The following SEL1L3 variants were observed in gnomAD, a reference collection of about 807,000 sequenced individuals.
The protein encoded by SEL1L3 is SEL1L family member 3.
In SEL1L3, 76 loss-of-function variants were observed where a neutral mutation model predicts 142.8. The ratio of observed to expected loss-of-function variants is 0.53; its 90% confidence interval spans 0.44 to 0.64. The LOEUF (loss-of-function observed/expected upper bound fraction) is 0.64, where lower values mean the gene tolerates loss of function less well. SEL1L3 is among the 30% of genes least tolerant of loss of function. The pLI is 0.00. For missense variants in SEL1L3, 1,262 were observed against 1,381.7 expected (o/e 0.91, Z 1.37); for synonymous variants, 504 against 519.6 (o/e 0.97, Z 0.41).
At chr4:25,805,103 C>A (rs1214452028) in intron 9 of SEL1L3, among the ~76,000 whole-genome samples, 1 of 152,164 alleles carries the variant, frequency 6.6e-6, no homozygotes, top group African/African-American at 2.4e-5. Context: ...CTCTAAGACT[C>A]CCTAAAGAAG....
chr4:25,776,349 T>C lies in SEL1L3; in HGVS notation c.2597A>G (p.His866Arg), dbSNP rs374434018. ...DPEKAVVWAK[H>R]VAEKNGYLGH... ...CAAGTAGCCATTTTTCTCAGCTACA[T>C]GTTTTGCCCATCTGAAAAAAAAAAG... The change falls in exon 17 of 24, where the codon CAT becomes CGT. Residue 866 changes from histidine (H) to arginine (R), a missense_variant. Coordinates refer to ENST00000399878, the MANE Select transcript of SEL1L3 (RefSeq NM_015187.5). The C allele has an allele frequency of 2.5e-6, 4 of 1,611,972 alleles. No homozygotes were observed. Among genetic ancestry groups the C allele is most frequent in the Non-Finnish European group, 3.4e-6 (4 of 1,178,604 alleles).
chr4:25,814,113 A>C (rs866499604), intron 9 of SEL1L3, among the ~76,000 whole-genome samples: 14 of 152,230 alleles, frequency 9.2e-5, no homozygotes, highest in African/African-American at 3.4e-4. Flanking sequence ...GATGACTCTC[A>C]GACAGAACCA....
chr4:25,756,167 T>G, intron 23 of SEL1L3: 1 of 985,464 alleles, frequency 1.0e-6, no homozygotes, highest in Non-Finnish European at 1.2e-6. Flanking sequence ...CAATGCCATG[T>G]CCAGTCCTAA....
chr4:25,815,665 C>T (rs982256441), intron 9 of SEL1L3, among the ~76,000 whole-genome samples: 5 of 152,036 alleles, frequency 3.3e-5, no homozygotes, highest in African/African-American at 9.7e-5. Flanking sequence ...CATGCGTCTC[C>T]CTCTCCTGTT....
At chr4:25,847,217 T>G in intron 2 of SEL1L3, 77 bp downstream of exon 2, 1 of 1,248,670 alleles carries the variant, frequency 8.0e-7, no homozygotes, top group Non-Finnish European at 1.1e-6. Flanking sequence ...ATAGAAGAAT[T>G]TTCTCTTGCC....
chr4:25,818,181 G>T lies in SEL1L3; in HGVS notation c.1521C>A (p.His507Gln). Residue 507 changes from histidine to glutamine, a missense_variant, in exon 9 of 24, where the codon CAC becomes CAA. His to Gln is a conservative substitution (Grantham distance 24). This residue lies in a region of SEL1L3 where 689 missense variants were observed against 692.8 expected (regional missense o/e 0.99). Transcript: ENST00000399878. The stretch of plus-strand genomic sequence containing the variant: ...CCAGCAATGCCTGGAACAAGCTGGG[G>T]TGTTTGTCTTTCAGCTCCTTCTCCC... ...FPWEKELKDKHPSLFQALLEM... is the reference protein window; with the variant it reads ...FPWEKELKDKQPSLFQALLEM... 6.2e-7 allele frequency: 1 copy of T among 1,610,464 alleles called. No homozygotes were observed. The highest frequency in any genetic ancestry group is 8.5e-7 in the Non-Finnish European group (1 of 1,178,360).
chr4:25,857,214 A>T (rs7692343), intron 1 of SEL1L3, among the ~76,000 whole-genome samples: 15,712 of 152,232 alleles, frequency 0.1, 990 homozygotes, highest in South Asian at 0.14. Context: ...AAAATGGATG[A>T]TGATGTCAAT....
At position 25,862,788 on chromosome 4, in the gene SEL1L3, G is replaced by C. The variant is rs1717820435; in HGVS notation, c.49C>G (p.Gln17Glu). 1 of 1,176,116 alleles carries C rather than the reference G, an allele frequency of 8.5e-7. No homozygotes were observed. The highest frequency in any genetic ancestry group is 4.6e-5 in the Admixed American group (1 of 21,670). 72.9% of individuals were successfully genotyped at this position (1,176,116 alleles called of 1,614,324 possible). Residue 17 changes from glutamine to glutamate, a missense_variant, in exon 1 of 24, where the codon CAA (glutamine) becomes GAA (glutamate). Around this residue, in one of 3 missense-constraint regions of SEL1L3, gnomAD observed 689 missense variants for 692.8 expected, o/e 0.99. Coordinates refer to ENST00000399878, the MANE Select transcript of SEL1L3 (RefSeq NM_015187.5). ...GGGCCGACCGCGAGCGGCGGGGGTT[G>C]CTGCTGCTGCTGCCGCGGCCACCCG... ...GLGWPRQQQQ[Q>E]PPPLAVGPRA...
intron 20 of SEL1L3, among the ~76,000 whole-genome samples, chr4:25,761,300 T>A (rs2109127607): frequency 6.6e-6 from 1 of 152,154 alleles, no homozygotes; most frequent in East Asian, 1.9e-4. Flanking sequence ...GGATTACAGG[T>A]GCCCACAGCC....
intron 9 of SEL1L3, among the ~76,000 whole-genome samples, chr4:25,816,905 G>T (rs956273802): frequency 6.6e-6 from 1 of 152,100 alleles, no homozygotes. Flanking sequence ...CAGTCCCAGT[G>T]TCTCCTCTTC....
At chr4:25,853,477 G>A (rs1717035590) in intron 1 of SEL1L3, among the ~76,000 whole-genome samples, 1 of 152,012 alleles carries the variant, frequency 6.6e-6, no homozygotes, top group South Asian at 2.1e-4. Context: ...TTGTAATGTG[G>A]CTGGTCTGAT....
intron 6 of SEL1L3, among the ~76,000 whole-genome samples, chr4:25,828,886 C>T (rs1332322251): frequency 1.3e-5 from 2 of 152,192 alleles, no homozygotes; most frequent in Non-Finnish European, 2.9e-5. Flanking sequence ...ATAAAACACT[C>T]CTCATCCCAG....
At chr4:25,819,369 G>A (rs1714605827) in intron 8 of SEL1L3, among the ~76,000 whole-genome samples, 1 of 152,170 alleles carries the variant, frequency 6.6e-6, no homozygotes, top group Non-Finnish European at 1.5e-5. Context: ...AAACAACAAA[G>A]TCACCATTCA....
intron 23 of SEL1L3, 57 bp from the exon 24 acceptor site, chr4:25,748,621 T>C: frequency 6.4e-7 from 1 of 1,557,394 alleles, no homozygotes; most frequent in Non-Finnish European, 8.7e-7. Context: ...ATTCAGAATG[T>C]ACAACCACAC....
the SEL1L3 span, among the ~76,000 whole-genome samples, chr4:25,729,091 A>G: frequency 1.3e-5 from 2 of 152,048 alleles, no homozygotes; most frequent in Non-Finnish European, 2.9e-5. Flanking sequence ...AGAATGGATG[A>G]TTCCTCCACT....
At chr4:25,722,368 A>G in the SEL1L3 span, among the ~76,000 whole-genome samples, 1 of 152,248 alleles carries the variant, frequency 6.6e-6, no homozygotes. Flanking sequence ...TTTTGCAACT[A>G]CTGAGTCTTA....
At chr4:25,730,196 A>T in the SEL1L3 span, among the ~76,000 whole-genome samples, 1 of 152,114 alleles carries the variant, frequency 6.6e-6, no homozygotes, top group Non-Finnish European at 1.5e-5. Flanking sequence ...GGCCTCCCAA[A>T]GTGCTGGGTG....
At chr4:25,778,622 G>T (rs1719796575) in intron 16 of SEL1L3, among the ~76,000 whole-genome samples, 2 of 152,124 alleles carry the variant, frequency 1.3e-5, no homozygotes, top group African/African-American at 4.8e-5. Flanking sequence ...AAGATGGCAG[G>T]AAGTATGAGT....
At chr4:25,783,659 GC>G (rs1323711945) in intron 14 of SEL1L3, among the ~76,000 whole-genome samples, 4 of 152,314 alleles carry the variant, frequency 2.6e-5, no homozygotes, top group Non-Finnish European at 4.4e-5. Flanking sequence ...GTGGGTGGGG[GC>G]CCCTCGAAAG....
Sources: gnomAD v4.1 joint callset for allele counts (sites outside exome capture counted in the v4.1 genomes callset) on GRCh38, gnomAD v4.1.1 for gene constraint, gnomAD v4.1.1 regional missense constraint, MANE v1.5 for transcripts, NCBI Gene and HGNC (gene_info 2026-07-23, HGNC 2026-07-21) for gene names.